The following SGCZ variants were observed in gnomAD, a reference collection of about 807,000 sequenced individuals.
The protein encoded by SGCZ is sarcoglycan zeta.
Under a neutral mutation model 41.3 loss-of-function variants are expected in SGCZ, and 40 were observed. That is an observed-to-expected ratio of 0.97 (90% CI 0.75 to 1.26). The LOEUF (loss-of-function observed/expected upper bound fraction) is 1.26, where lower values mean the gene tolerates loss of function less well. Among genes scored for constraint, SGCZ ranks in the 50% most tolerant of loss-of-function variants. The probability of loss-of-function intolerance (pLI) is 0.00; values close to 1 mark genes in which losing one functional copy is unlikely to be tolerated. For synonymous variants in SGCZ, 206 were observed against 137.5 expected (o/e 1.50, Z -3.49); for missense variants, 552 against 369.8 (o/e 1.49, Z -4.04).
chr8:14,105,106 A>T (rs1412759933), intron 6 of SGCZ, among the ~76,000 whole-genome samples: 1 of 152,078 alleles, frequency 6.6e-6, no homozygotes, highest in Non-Finnish European at 1.5e-5. Flanking sequence ...GTCTTTGTTA[A>T]CTATTTAACA....
intron 1 of SGCZ, among the ~76,000 whole-genome samples, chr8:14,756,326 T>A (rs1354011501): frequency 6.6e-6 from 1 of 151,756 alleles, no homozygotes; most frequent in Admixed American, 6.6e-5. Flanking sequence ...GCTGGGATTA[T>A]AGGCATGCAC....
At position 14,432,011 on chromosome 8, in the gene SGCZ, C is replaced by G. The variant is rs974750671; in HGVS notation, c.235-107807G>C. ...TTACTCTTGCAAGAATGGCTATAAT[C>G]CAAAAATTAAAAAAAATAATAGATG... On this transcript the variant is annotated intron_variant, in intron 2 of 7. Coordinates refer to ENST00000382080, the MANE Select transcript of SGCZ (RefSeq NM_139167.4). Among the ~76,000 whole-genome samples, 7 of 143,308 alleles carry G rather than the reference C, an allele frequency of 4.9e-5. 1 individual carries two copies. In the East Asian group the frequency reaches 1.4e-3, roughly 28 times the overall value. The allele number at this position is 143,308 out of a possible 152,430, so 94.0% of individuals were successfully genotyped here. A position where few individuals can be genotyped will look rare whatever the true frequency, so the allele number is the denominator to read the frequency against.
intron 1 of SGCZ, among the ~76,000 whole-genome samples, chr8:14,809,469 C>G (rs1458830177): frequency 6.6e-6 from 1 of 152,000 alleles, no homozygotes; most frequent in Admixed American, 6.6e-5. Context: ...ACAAATCCAG[C>G]AAGAATTTTT....
chr8:14,422,599 T>A (rs1229659677), intron 2 of SGCZ, among the ~76,000 whole-genome samples: 1 of 152,210 alleles, frequency 6.6e-6, no homozygotes, highest in African/African-American at 2.4e-5. Context: ...TGTAAAACAA[T>A]GCCTTGTATA....
chr8:15,093,173 G>T (rs1409616710), intron 1 of SGCZ, among the ~76,000 whole-genome samples: 1 of 152,044 alleles, frequency 6.6e-6, no homozygotes, highest in South Asian at 2.1e-4. Context: ...GGTAATACTA[G>T]GTTTTCTCTG....
At position 14,537,813 on chromosome 8, in the gene SGCZ, C is replaced by G. The variant is rs1223608349; in HGVS notation, c.234+16919G>C. The stretch of plus-strand genomic sequence containing the variant: ...GAACGCTAAAGAGCTGTTATACTTT[C>G]TATAGAGAAGATATAAATGTGAAAG... On this transcript the variant is annotated intron_variant, in intron 2 of 7. Coordinates refer to ENST00000382080, the MANE Select transcript of SGCZ (RefSeq NM_139167.4). 3.3e-5 allele frequency among the ~76,000 whole-genome samples: 5 copies of G among 151,894 alleles called. No individual in the cohort carries two copies. The Admixed American group carries it at 3.3e-4, about 10-fold the overall frequency.
chr8:14,881,647 C>G (rs980126410), intron 1 of SGCZ, among the ~76,000 whole-genome samples: 6 of 152,104 alleles, frequency 3.9e-5, no homozygotes, highest in Non-Finnish European at 7.4e-5. Flanking sequence ...CTTTAACACC[C>G]CACTGACAAT....
At chr8:14,983,887 C>T (rs114147284) in intron 1 of SGCZ, among the ~76,000 whole-genome samples, 210 of 152,272 alleles carry the variant, frequency 1.4e-3, no homozygotes, top group African/African-American at 4.9e-3. Flanking sequence ...ATATATTCAA[C>T]TATATACAAT....
At chr8:14,532,255 T>A (rs143231015) in intron 2 of SGCZ, among the ~76,000 whole-genome samples, 2 of 151,794 alleles carry the variant, frequency 1.3e-5, no homozygotes, top group Non-Finnish European at 2.9e-5. Flanking sequence ...GAAAAAAAAA[T>A]TTCAATTGCA....
At chr8:14,956,922 T>C (rs1800811880) in intron 1 of SGCZ, among the ~76,000 whole-genome samples, 1 of 152,116 alleles carries the variant, frequency 6.6e-6, no homozygotes, top group Non-Finnish European at 1.5e-5. Flanking sequence ...TGACAGCATA[T>C]TTTTTCTCAA....
At chr8:14,645,278 T>C (rs1003444707) in intron 1 of SGCZ, among the ~76,000 whole-genome samples, 12 of 149,546 alleles carry the variant, frequency 8.0e-5, no homozygotes, top group Admixed American at 2.7e-4. Context: ...ATTTCTTTCT[T>C]ATTGCGAATT....
intron 1 of SGCZ, among the ~76,000 whole-genome samples, chr8:14,920,782 G>C (rs1029342709): frequency 2.0e-5 from 3 of 152,108 alleles, no homozygotes; most frequent in Non-Finnish European, 4.4e-5. Context: ...AATTGTATTT[G>C]TTTAACTCAT....
At chr8:15,099,385 G>T (rs2054063) in intron 1 of SGCZ, among the ~76,000 whole-genome samples, 1 of 151,966 alleles carries the variant, frequency 6.6e-6, no homozygotes, top group Non-Finnish European at 1.5e-5. Flanking sequence ...TAGATGAAAT[G>T]GACAAATTCT....
intron 1 of SGCZ, among the ~76,000 whole-genome samples, chr8:14,971,457 T>C (rs1801294640): frequency 6.6e-6 from 1 of 152,058 alleles, no homozygotes; most frequent in South Asian, 2.1e-4. Context: ...CTATTCCTAC[T>C]TTCCTGAGAA....
intron 2 of SGCZ, among the ~76,000 whole-genome samples, chr8:14,522,376 T>A (rs375735549): frequency 6.6e-6 from 1 of 152,028 alleles, no homozygotes; most frequent in African/African-American, 2.4e-5. Context: ...TTGGACAAGA[T>A]ATTTTATTGG....
intron 1 of SGCZ, among the ~76,000 whole-genome samples, chr8:14,577,086 G>A (rs1804734310): frequency 6.6e-6 from 1 of 152,146 alleles, no homozygotes; most frequent in African/African-American, 2.4e-5. Context: ...TTTGAATGAG[G>A]ACTGGATTAC....
chr8:14,256,688 G>A (rs1156437190), intron 3 of SGCZ, among the ~76,000 whole-genome samples: 1 of 152,064 alleles, frequency 6.6e-6, no homozygotes, highest in Non-Finnish European at 1.5e-5. Context: ...CATCCAATGA[G>A]CATCTCTAAG....
At chr8:14,823,229 C>A (rs1029182096) in intron 1 of SGCZ, among the ~76,000 whole-genome samples, 1 of 151,774 alleles carries the variant, frequency 6.6e-6, no homozygotes. Flanking sequence ...AATATACAAA[C>A]AGAATTACAT....
chr8:14,450,823 G>C (rs1403058079), intron 2 of SGCZ, among the ~76,000 whole-genome samples: 1 of 152,098 alleles, frequency 6.6e-6, no homozygotes, highest in Admixed American at 6.5e-5. Flanking sequence ...AGAATTACCT[G>C]GGCTTCAGCT....
Sources: allele counts gnomAD v4.1 joint callset (sites outside exome capture counted in the v4.1 genomes callset), GRCh38; gene constraint gnomAD v4.1.1; transcripts MANE v1.5; gene names NCBI Gene and HGNC (gene_info 2026-07-23, HGNC 2026-07-21).